ZNF804B: variants seen among roughly 807,000 people sequenced by gnomAD.
ZNF804B encodes the protein zinc finger 804B.
Under a neutral mutation model 101.4 loss-of-function variants are expected in ZNF804B, and 80 were observed. The ratio of observed to expected loss-of-function variants is 0.79; its 90% confidence interval spans 0.66 to 0.95. ZNF804B has a LOEUF of 0.95. ZNF804B is among the 40% of genes least tolerant of loss of function. The pLI, the probability that ZNF804B is intolerant of heterozygous loss-of-function variation, is 0.00. For missense variants in ZNF804B, 1,673 were observed against 1,561.9 expected (o/e 1.07, Z -1.20); for synonymous variants, 622 against 558.8 (o/e 1.11, Z -1.59).
intron 1 of ZNF804B, among the ~76,000 whole-genome samples, chr7:88,868,046 T>A (rs1021034773): frequency 7.5e-5 from 9 of 119,934 alleles, no homozygotes; most frequent in Non-Finnish European, 1.2e-4. Context: ...TGTGTGTGTG[T>A]GAGTGTGTGT....
intron 1 of ZNF804B, among the ~76,000 whole-genome samples, chr7:88,762,876 T>A (rs906396519): frequency 6.6e-6 from 1 of 152,168 alleles, no homozygotes; most frequent in African/African-American, 2.4e-5. Flanking sequence ...TTGCCCTTTT[T>A]ATCCAAGTGT....
At chr7:88,905,347 T>A (rs999217165) in intron 1 of ZNF804B, among the ~76,000 whole-genome samples, 2 of 151,954 alleles carry the variant, frequency 1.3e-5, no homozygotes, top group African/African-American at 4.8e-5. Context: ...GAATACAGTA[T>A]GCTAGTTTTT....
At chr7:88,882,382 G>C (rs1175219044) in intron 1 of ZNF804B, among the ~76,000 whole-genome samples, 1 of 152,120 alleles carries the variant, frequency 6.6e-6, no homozygotes, top group African/African-American at 2.4e-5. Flanking sequence ...ACAGTTATTG[G>C]TGAGGCTGCA....
At position 89,059,578 on chromosome 7, in the gene ZNF804B, G is replaced by A. The variant is rs1385991474; in HGVS notation, c.109-158577G>A. ...ACCATGATCCAGTACCTCCCACCAG[G>A]CCCCATCTCCAGGACCAAAGATCAC... On this transcript the variant is annotated intron_variant, in intron 1 of 3. Transcript: ENST00000333190. Among the ~76,000 whole-genome samples, 6 of 152,120 alleles carry A rather than the reference G, an allele frequency of 3.9e-5. No individual in the cohort carries two copies. The East Asian group carries it at 9.7e-4, about 24-fold the overall frequency.
chr7:89,029,015 A>G (rs1414524502), intron 1 of ZNF804B, among the ~76,000 whole-genome samples: 2 of 152,214 alleles, frequency 1.3e-5, no homozygotes, highest in Non-Finnish European at 2.9e-5. Flanking sequence ...AGAACTTACT[A>G]TGAGCTTGAC....
intron 1 of ZNF804B, among the ~76,000 whole-genome samples, chr7:89,013,322 T>TA (rs11347984): frequency 0.02 from 3,082 of 151,854 alleles, 116 homozygotes; most frequent in African/African-American, 0.071. Flanking sequence ...GTACTCACTA[T>TA]AAAAAAAAAT....
chr7:89,176,584 TTTCTTTC>T, intron 1 of ZNF804B, among the ~76,000 whole-genome samples: 5 of 116,274 alleles, frequency 4.3e-5, no homozygotes, highest in East Asian at 2.2e-4. Context: ...TCTTTCTTTC[TTTCTTTC>T]TTTTTTTTTT....
intron 2 of ZNF804B, among the ~76,000 whole-genome samples, chr7:89,220,344 G>T (rs1327230654): frequency 6.6e-6 from 1 of 151,372 alleles, no homozygotes; most frequent in Non-Finnish European, 1.5e-5. Flanking sequence ...GCATAACAAT[G>T]ACCTCAGAAT....
At chr7:89,218,081 A>T in intron 1 of ZNF804B, 74 bp from the exon 2 acceptor site, 1 of 1,436,406 alleles carries the variant, frequency 7.0e-7, no homozygotes. Context: ...GTTAAATACC[A>T]CCTTGATTAA....
At chr7:88,804,140 G>T (rs1482942236) in intron 1 of ZNF804B, among the ~76,000 whole-genome samples, 1 of 152,106 alleles carries the variant, frequency 6.6e-6, no homozygotes, top group Non-Finnish European at 1.5e-5. Context: ...AAATAGTTGA[G>T]CAAAGCCAGG....
At chr7:88,913,290 G>A (rs986396172) in intron 1 of ZNF804B, among the ~76,000 whole-genome samples, 1 of 152,176 alleles carries the variant, frequency 6.6e-6, no homozygotes. Flanking sequence ...CAGATGTAGT[G>A]TATTTAGGAA....
chr7:89,164,181 C>G (rs544720045), intron 1 of ZNF804B, among the ~76,000 whole-genome samples: 1 of 151,910 alleles, frequency 6.6e-6, no homozygotes, highest in African/African-American at 2.4e-5. Context: ...TAAGTGACTC[C>G]TAGAATTACT....
chr7:88,880,062 C>A (rs941571985), intron 1 of ZNF804B, among the ~76,000 whole-genome samples: 27 of 142,000 alleles, frequency 1.9e-4, no homozygotes, highest in South Asian at 1.8e-3. Context: ...AAAAAAAAAA[C>A]CACTTATCTG....
chr7:89,239,826 G>A (rs1408267479), intron 2 of ZNF804B, among the ~76,000 whole-genome samples: 2 of 150,498 alleles, frequency 1.3e-5, no homozygotes, highest in Non-Finnish European at 3.0e-5. Context: ...AAATTTAATA[G>A]ATTGACATTT....
chr7:89,020,166 G>A (rs751193603), intron 1 of ZNF804B, among the ~76,000 whole-genome samples: 6 of 152,150 alleles, frequency 3.9e-5, no homozygotes, highest in Non-Finnish European at 8.8e-5. Context: ...TCATAATTTA[G>A]TGTGTTTTCA....
intron 1 of ZNF804B, among the ~76,000 whole-genome samples, chr7:89,107,488 T>A (rs530614125): frequency 1.8e-4 from 27 of 152,286 alleles, no homozygotes; most frequent in African/African-American, 6.0e-4. Context: ...ATACTCTTAG[T>A]GCCTTAGGAA....
chr7:88,794,930 C>T (rs1327635911), intron 1 of ZNF804B: 1 of 1,587,328 alleles, frequency 6.3e-7, no homozygotes, highest in East Asian at 2.2e-5. Context: ...TGGTTATGGA[C>T]CGAAAAGGAC....
intron 2 of ZNF804B, among the ~76,000 whole-genome samples, chr7:89,278,913 T>C (rs1169479583): frequency 6.6e-6 from 1 of 152,106 alleles, no homozygotes; most frequent in Non-Finnish European, 1.5e-5. Flanking sequence ...TTGATGGGGA[T>C]GGCATTGAAT....
chr7:89,017,979 C>G (rs1788598076), intron 1 of ZNF804B, among the ~76,000 whole-genome samples: 1 of 152,074 alleles, frequency 6.6e-6, no homozygotes, highest in Non-Finnish European at 1.5e-5. Context: ...AAGCTGACTT[C>G]TTCCTTTTTA....
Sources: gnomAD v4.1 joint callset for allele counts (sites outside exome capture counted in the v4.1 genomes callset) on GRCh38, gnomAD v4.1.1 for gene constraint, MANE v1.5 for transcripts, NCBI Gene and HGNC (gene_info 2026-07-23, HGNC 2026-07-21) for gene names.